The following COMMD10 variants were observed in gnomAD, a reference collection of about 807,000 sequenced individuals.
COMMD10 encodes the protein COMM domain-containing protein 10.
COMMD10 carries 33 observed loss-of-function variants against 28.9 expected under a neutral mutation model. The ratio of observed to expected loss-of-function variants is 1.14; its 90% CI spans 0.87 to 1.53. COMMD10 has a LOEUF of 1.53. Ranked by LOEUF, COMMD10 falls within the 40% of genes most tolerant of loss-of-function variation. The pLI, the probability that COMMD10 is intolerant of heterozygous loss-of-function variation, is 0.00. For missense variants in COMMD10, 310 were observed against 233.4 expected, an observed-to-expected ratio of 1.33 and a Z score of -2.14; for synonymous variants, 110 against 81.7, an observed-to-expected ratio of 1.35 and a Z score of -1.87.
At chr5:116,285,807 ACG>A (rs1299792520) in intron 5 of COMMD10, among the ~76,000 whole-genome samples, 5 of 151,850 alleles carry the variant, frequency 3.3e-5, no homozygotes, top group Non-Finnish European at 7.3e-5. Context: ...GTCAATACTT[ACG>A]GATATTGGTC....
intron 5 of COMMD10, among the ~76,000 whole-genome samples, chr5:116,136,136 A>T (rs1054336013): frequency 2.6e-5 from 4 of 152,136 alleles, no homozygotes; most frequent in African/African-American, 7.2e-5. Flanking sequence ...TTATTTCCTG[A>T]TGAAGTTATT....
rs534983937 is a variant in COMMD10 at position 116,164,774 on chromosome 5, GA to G, written c.510+30601del. On this transcript the variant is annotated intron_variant, in intron 5 of 6. Coordinates refer to ENST00000274458, the MANE Select transcript of COMMD10 (RefSeq NM_016144.4). ...AAGAGTTAGTTGCAAAATTTTGGGG[GA>G]AAAATTTATAATGTTCTTAGGGGGG... 1.2e-4 allele frequency among the ~76,000 whole-genome samples: 18 copies of G among 152,226 alleles called. No individual in the cohort carries two copies. In the East Asian group the frequency reaches 3.3e-3, roughly 28 times the overall value.
intron 4 of COMMD10, among the ~76,000 whole-genome samples, chr5:116,121,348 A>T (rs1281422291): frequency 6.6e-6 from 1 of 152,198 alleles, no homozygotes; most frequent in Non-Finnish European, 1.5e-5. Context: ...TCCGTGGTGT[A>T]TATGTGCCAC....
chr5:116,209,205 A>C (rs192456095), intron 5 of COMMD10, among the ~76,000 whole-genome samples: 1 of 152,046 alleles, frequency 6.6e-6, no homozygotes, highest in Non-Finnish European at 1.5e-5. Context: ...TTCCATGTGG[A>C]AATTTTAATT....
chr5:116,143,561 A>G (rs1415258558), intron 5 of COMMD10, among the ~76,000 whole-genome samples: 2 of 151,458 alleles, frequency 1.3e-5, no homozygotes, highest in Non-Finnish European at 2.9e-5. Flanking sequence ...TCTGAAACCC[A>G]GAGGCAGTTG....
intron 5 of COMMD10, among the ~76,000 whole-genome samples, chr5:116,251,620 A>G (rs1750122444): frequency 1.3e-5 from 2 of 151,062 alleles, no homozygotes; most frequent in Admixed American, 6.6e-5. Context: ...AAAGGACATG[A>G]ACTCATCATT....
At chr5:116,213,239 A>T (rs1007138389) in intron 5 of COMMD10, among the ~76,000 whole-genome samples, 4 of 152,092 alleles carry the variant, frequency 2.6e-5, no homozygotes, top group Non-Finnish European at 5.9e-5. Context: ...AATTCTTAAT[A>T]ATTTTTCCAC....
intron 5 of COMMD10, among the ~76,000 whole-genome samples, chr5:116,275,534 A>T (rs1750883788): frequency 6.6e-6 from 1 of 150,974 alleles, no homozygotes; most frequent in Admixed American, 6.6e-5. Flanking sequence ...TCGTAAGCTC[A>T]AGGAAAACAA....
chr5:116,216,936 T>A (rs202173634), intron 5 of COMMD10, among the ~76,000 whole-genome samples: 1 of 152,112 alleles, frequency 6.6e-6, no homozygotes, highest in East Asian at 1.9e-4. Flanking sequence ...TACACTGTAT[T>A]TTTAGTCCAA....
At position 116,292,716 on chromosome 5, in the gene COMMD10, C is replaced by G. The variant is rs1751402927; in HGVS notation, c.*227C>G. On this transcript the variant is annotated 3_prime_UTR_variant, in exon 7 of 7. Transcript: ENST00000274458. ...GTGAGCCAACAGTAATTATTAAGAA[C>G]ACTTTCCCTTTAAAGGAAACAAAAG... 2.4e-6 allele frequency: 1 copy of G among 417,078 alleles called. No individual in the cohort carries two copies. The highest frequency in any genetic ancestry group is 3.5e-5 in the East Asian group (1 of 28,678). The allele number at this position is 417,078 out of a possible 1,614,324, so 25.8% of individuals were successfully genotyped here. A position where few individuals can be genotyped will look rare whatever the true frequency, so the allele number is the denominator to read the frequency against.
At chr5:116,248,673 G>C (rs1750026519) in intron 5 of COMMD10, among the ~76,000 whole-genome samples, 1 of 151,912 alleles carries the variant, frequency 6.6e-6, no homozygotes, top group South Asian at 2.1e-4. Context: ...TTCTGTTAGA[G>C]ACAAAGTTGA....
At chr5:116,243,390 A>G (rs765285465) in intron 5 of COMMD10, among the ~76,000 whole-genome samples, 5 of 152,158 alleles carry the variant, frequency 3.3e-5, no homozygotes, top group Admixed American at 2.0e-4. Flanking sequence ...ACTGCCAGAA[A>G]ATATCACCCC....
At chr5:116,276,783 T>G (rs556571535) in intron 5 of COMMD10, among the ~76,000 whole-genome samples, 1 of 151,878 alleles carries the variant, frequency 6.6e-6, no homozygotes, top group East Asian at 1.9e-4. Flanking sequence ...ATGATCCCAT[T>G]TAAAATTGAT....
chr5:116,247,658 G>A (rs768801265), intron 5 of COMMD10, among the ~76,000 whole-genome samples: 1 of 152,038 alleles, frequency 6.6e-6, no homozygotes, highest in African/African-American at 2.4e-5. Flanking sequence ...CATATCCTTT[G>A]CAGGGACATG....
chr5:116,182,256 G>C (rs1457811631), intron 5 of COMMD10, among the ~76,000 whole-genome samples: 1 of 152,030 alleles, frequency 6.6e-6, no homozygotes, highest in African/African-American at 2.4e-5. Context: ...ACTGATAGTA[G>C]TTTAGCTCTA....
chr5:116,272,670 G>A (rs1158020994), intron 5 of COMMD10, among the ~76,000 whole-genome samples: 1 of 151,786 alleles, frequency 6.6e-6, no homozygotes, highest in African/African-American at 2.4e-5. Context: ...TGGAAGAAAT[G>A]CTTCGGAATC....
chr5:116,137,916 A>G (rs996252180), intron 5 of COMMD10, among the ~76,000 whole-genome samples: 3 of 151,916 alleles, frequency 2.0e-5, no homozygotes, highest in Non-Finnish European at 4.4e-5. Flanking sequence ...GCAAAGTGAG[A>G]TTATTTTCCT....
chr5:116,194,107 T>C (rs1384188857), intron 5 of COMMD10, among the ~76,000 whole-genome samples: 1 of 152,114 alleles, frequency 6.6e-6, no homozygotes, highest in African/African-American at 2.4e-5. Context: ...ATTTAAAAAT[T>C]CTTTGAACTG....
At chr5:116,235,139 C>T (rs1486423538) in intron 5 of COMMD10, among the ~76,000 whole-genome samples, 2 of 152,156 alleles carry the variant, frequency 1.3e-5, no homozygotes, top group Non-Finnish European at 2.9e-5. Flanking sequence ...AATGTGCTGA[C>T]ACCTACTTTA....
Sources: allele counts gnomAD v4.1 joint callset (sites outside exome capture counted in the v4.1 genomes callset), GRCh38; gene constraint gnomAD v4.1.1; transcripts MANE v1.5; gene names NCBI Gene and HGNC (gene_info 2026-07-23, HGNC 2026-07-21).